Variants in RAP2A observed in about 807,000 individuals in gnomAD.
RAP2A encodes the protein ras-related protein Rap-2a.
In RAP2A, 5 loss-of-function variants were observed where a neutral mutation model predicts 15.1. The observed-to-expected ratio is 0.33, with a 90% CI of 0.17 to 0.70. The LOEUF is 0.70. Ranked by LOEUF, RAP2A falls within the 30% of genes least tolerant of loss-of-function variation. The pLI is 0.68. For synonymous variants in RAP2A, 110 were observed against 99.7 expected, an observed-to-expected ratio of 1.10 and a Z score of -0.62; for missense variants, 111 against 240.3, an observed-to-expected ratio of 0.46 and a Z score of 3.56.
intron 1 of RAP2A, among the ~76,000 whole-genome samples, chr13:97,459,014 A>G (rs1171063979): frequency 6.6e-6 from 1 of 152,160 alleles, no homozygotes; most frequent in Non-Finnish European, 1.5e-5. Flanking sequence ...TCTTGTCAAT[A>G]AAAAAGTGTT....
At chr13:97,448,906 A>G (rs2066690610) in intron 1 of RAP2A, among the ~76,000 whole-genome samples, 1 of 152,148 alleles carries the variant, frequency 6.6e-6, no homozygotes, top group Non-Finnish European at 1.5e-5. Context: ...GAGAGGAGAG[A>G]AGGGTGCAGC....
At chr13:97,454,018 A>G (rs2066712840) in intron 1 of RAP2A, among the ~76,000 whole-genome samples, 1 of 151,052 alleles carries the variant, frequency 6.6e-6, no homozygotes, top group South Asian at 2.1e-4. Flanking sequence ...TTGAGTTTTG[A>G]GAGATCTTTC....
At chr13:97,440,269 T>C (rs2066651776) in intron 1 of RAP2A, among the ~76,000 whole-genome samples, 1 of 151,988 alleles carries the variant, frequency 6.6e-6, no homozygotes, top group African/African-American at 2.4e-5. Context: ...ACTGGTGAAT[T>C]AGTAGGAAAA....
chr13:97,452,650 G>GCACACACACACGCACA (rs2066707156), intron 1 of RAP2A, among the ~76,000 whole-genome samples: 3 of 148,070 alleles, frequency 2.0e-5, no homozygotes. Context: ...ACACACACAC[G>GCACACACACACGCACA]CACACACACA....
intron 1 of RAP2A, among the ~76,000 whole-genome samples, chr13:97,459,910 G>A (rs2066739351): frequency 6.6e-6 from 1 of 152,216 alleles, no homozygotes; most frequent in Non-Finnish European, 1.5e-5. Context: ...CTAGCACTTA[G>A]TATATAAATA....
chr13:97,460,075 A>C (rs770688872), intron 1 of RAP2A, among the ~76,000 whole-genome samples: 1 of 152,222 alleles, frequency 6.6e-6, no homozygotes, highest in Non-Finnish European at 1.5e-5. Flanking sequence ...GTTGTCTGTG[A>C]AATGGAACTG....
rs2066767691 is a variant in RAP2A at position 97,465,697 on chromosome 13, T to C, written c.*1255T>C. ...AAATAAAGCTGGAGTGAAAATTTTG[T>C]TTTGAAAAGGTGCTCAAGCTCTGAC... On this transcript the variant is annotated 3_prime_UTR_variant, in exon 2 of 2. Coordinates refer to ENST00000245304, the MANE Select transcript of RAP2A (RefSeq NM_021033.7). 6.6e-6 allele frequency: 1 copy of C among 152,208 alleles called. No homozygotes were observed. Among genetic ancestry groups the C allele is most frequent in the Non-Finnish European group, 1.5e-5 (1 of 68,024 alleles). The allele number at this position is 152,208 out of a possible 1,614,324, so 9.4% of individuals were successfully genotyped here. A position where few individuals can be genotyped will look rare whatever the true frequency, so the allele number is the denominator to read the frequency against.
chr13:97,460,045 A>G (rs1185652853), intron 1 of RAP2A, among the ~76,000 whole-genome samples: 2 of 152,192 alleles, frequency 1.3e-5, no homozygotes, highest in Admixed American at 6.5e-5. Context: ...AACCATCCCA[A>G]ATATTTGTGT....
At chr13:97,452,195 C>T (rs1220083731) in intron 1 of RAP2A, among the ~76,000 whole-genome samples, 1 of 150,954 alleles carries the variant, frequency 6.6e-6, no homozygotes, top group East Asian at 1.9e-4. Flanking sequence ...TTTAATATAT[C>T]TTTTTCTACC....
At chr13:97,436,422 A>C (rs1290439980) in intron 1 of RAP2A, among the ~76,000 whole-genome samples, 1 of 152,176 alleles carries the variant, frequency 6.6e-6, no homozygotes, top group African/African-American at 2.4e-5. Flanking sequence ...GGCCAAATGC[A>C]TACATCAAAA....
chr13:97,464,720 A>G lies in RAP2A; in HGVS notation c.*278A>G. ...AGGGTGATCTCATTTGAAAGCTATGATGGCATTGTCGCTGAGTTGACAGAA... is the reference window on the plus strand; with the variant it reads ...AGGGTGATCTCATTTGAAAGCTATGGTGGCATTGTCGCTGAGTTGACAGAA... On this transcript the variant is annotated 3_prime_UTR_variant, in exon 2 of 2. Coordinates refer to ENST00000245304, the MANE Select transcript of RAP2A (RefSeq NM_021033.7). The G allele has an allele frequency of 2.5e-6, 1 of 405,824 alleles. No homozygotes were observed. Among genetic ancestry groups the G allele is most frequent in the South Asian group, 5.2e-5 (1 of 19,082 alleles). The allele number at this position is 405,824 out of a possible 1,614,324, so 25.1% of individuals were successfully genotyped here. A position where few individuals can be genotyped will look rare whatever the true frequency, so the allele number is the denominator to read the frequency against.
chr13:97,453,800 C>T (rs2066711955), intron 1 of RAP2A, among the ~76,000 whole-genome samples: 2 of 150,762 alleles, frequency 1.3e-5, no homozygotes, highest in Non-Finnish European at 3.0e-5. Context: ...AAGTAGTTGT[C>T]TAATTTTACA....
intron 1 of RAP2A, among the ~76,000 whole-genome samples, chr13:97,457,656 G>A (rs1403040193): frequency 6.6e-6 from 1 of 151,992 alleles, no homozygotes; most frequent in Non-Finnish European, 1.5e-5. Flanking sequence ...GGAAATTGAA[G>A]CTACCAAATA....
At chr13:97,441,929 T>G (rs1010524425) in intron 1 of RAP2A, 1 of 254,794 alleles carries the variant, frequency 3.9e-6, no homozygotes, top group Non-Finnish European at 7.8e-6. Flanking sequence ...ATCTTGAAAT[T>G]TTAATGGTGT....
At chr13:97,457,266 A>G (rs993011360) in intron 1 of RAP2A, among the ~76,000 whole-genome samples, 1 of 151,784 alleles carries the variant, frequency 6.6e-6, no homozygotes, top group Non-Finnish European at 1.5e-5. Flanking sequence ...ATATACATAT[A>G]TATATATAAT....
Position 97,467,887 on chromosome 13 carries a change from C to A in RAP2A, c.*3445C>A, listed in dbSNP as rs1056675363. On this transcript the variant is annotated 3_prime_UTR_variant, in exon 2 of 2. Coordinates refer to ENST00000245304, the MANE Select transcript of RAP2A (RefSeq NM_021033.7). ...TTTTGTAACAATGTCAGTTGTTAAA[C>A]CTTGACATTTCAATTAAAACATGAA... The A allele has an allele frequency of 1.0e-4, 16 of 152,594 alleles. No individual in the cohort carries two copies. The East Asian group carries it at 2.7e-3, about 26-fold the overall frequency. 9.5% of individuals were successfully genotyped at this position (152,594 alleles called of 1,614,324 possible).
chr13:97,441,736 C>G, intron 1 of RAP2A: 1 of 440,980 alleles, frequency 2.3e-6, no homozygotes, highest in South Asian at 1.6e-5. Context: ...CTATTCTTAC[C>G]TACTGTTTTT....
At chr13:97,436,089 A>C (rs1488082236) in intron 1 of RAP2A, 1 of 152,204 alleles carries the variant, frequency 6.6e-6, no homozygotes, top group Non-Finnish European at 1.5e-5. Flanking sequence ...TATGCACTTT[A>C]ATCGCTGAAC....
chr13:97,469,066 A>G lies in RAP2A; in HGVS notation c.*4624A>G, dbSNP rs1289888276. 5 of 152,346 alleles carry G rather than the reference A, an allele frequency of 3.3e-5. 1 individual carries two copies. Among genetic ancestry groups the G allele is most frequent in the African/African-American group, 9.6e-5 (4 of 41,572 alleles). The allele number at this position is 152,346 out of a possible 1,614,324, so 9.4% of individuals were successfully genotyped here. The stretch of plus-strand genomic sequence containing the variant: ...TTGCTCTTCATCTCTTAAATGGATC[A>G]TTCCAACTGGTTTTACATCGTTGAA... On this transcript the variant is annotated 3_prime_UTR_variant, in exon 2 of 2. Coordinates refer to ENST00000245304, the MANE Select transcript of RAP2A (RefSeq NM_021033.7).
Sources: gnomAD v4.1 joint callset for allele counts (sites outside exome capture counted in the v4.1 genomes callset) on GRCh38, gnomAD v4.1.1 for gene constraint, MANE v1.5 for transcripts, NCBI Gene and HGNC (gene_info 2026-07-23, HGNC 2026-07-21) for gene names.